The following MICOS10 variants were observed in gnomAD, a reference collection of about 807,000 sequenced individuals.
The protein encoded by MICOS10 is MICOS complex subunit MIC10.
A neutral mutation model predicts 13.4 loss-of-function variants in MICOS10; 5 were observed. The observed-to-expected ratio is 0.37, with a 90% confidence interval of 0.20 to 0.78. The LOEUF is 0.78. Ranked by LOEUF, MICOS10 falls within the 30% of genes least tolerant of loss-of-function variation. The pLI is 0.47. For synonymous variants in MICOS10, 35 were observed against 33.6 expected, an observed-to-expected ratio of 1.04 and a Z score of -0.15; for missense variants, 101 against 94.6, an observed-to-expected ratio of 1.07 and a Z score of -0.28.
chr1:19,623,540 A>G lies in MICOS10; in HGVS notation c.179A>G (p.His60Arg). Residue 60 changes from histidine to arginine, a missense_variant, in exon 3 of 4, where the codon CAT (histidine) becomes CGT (arginine). By Grantham distance (29) the His-to-Arg change is conservative (BLOSUM62 0). Transcript: ENST00000322753. ...GGAATGGCTTATTCCAACTGTCAGC[A>G]TGATTTCCAGGCTCCATATCTTCTA... is the stretch of plus-strand genomic sequence containing the variant. ...GLGMAYSNCQ[H>R]DFQAPYLLHG... 6.2e-7 allele frequency: 1 copy of G among 1,613,638 alleles called. No individual in the cohort carries two copies. The highest frequency in any genetic ancestry group is 8.5e-7 in the Non-Finnish European group (1 of 1,179,690).
chr1:19,622,962 G>T (rs111645797), intron 2 of MICOS10, among the ~76,000 whole-genome samples: 1 of 133,852 alleles, frequency 7.5e-6, no homozygotes, highest in African/African-American at 3.0e-5. Context: ...TTGCTCTGTC[G>T]CCAGGCTGGA....
At chr1:19,605,383 A>G (rs1196158767) in intron 1 of MICOS10, among the ~76,000 whole-genome samples, 1 of 152,194 alleles carries the variant, frequency 6.6e-6, no homozygotes, top group African/African-American at 2.4e-5. Flanking sequence ...CCCCAAAAGA[A>G]ACACTGGATG....
chr1:19,617,020 T>G (rs115251500), intron 1 of MICOS10, among the ~76,000 whole-genome samples: 35 of 152,356 alleles, frequency 2.3e-4, no homozygotes, highest in African/African-American at 8.2e-4. Flanking sequence ...ACATGTGCAT[T>G]AACTAATTAT....
rs1393154594 is a variant in MICOS10 at position 19,629,396 on chromosome 1, CTG to C, written c.*2997_*2998del. The C allele has an allele frequency of 6.6e-6, 1 of 152,228 alleles. No homozygotes were observed. Among genetic ancestry groups the C allele is most frequent in the African/African-American group, 2.4e-5 (1 of 41,462 alleles). The allele number at this position is 152,228 out of a possible 1,614,324, so 9.4% of individuals were successfully genotyped here. On this transcript the variant is annotated 3_prime_UTR_variant, in exon 4 of 4. Coordinates refer to ENST00000322753, the MANE Select transcript of MICOS10 (RefSeq NM_001032363.4). ...AAATACATACAGTCTGAGCTTGACA[CTG>C]TATAATTTGGCCCAGAACAATATGT...
At chr1:19,620,955 G>A (rs973466579) in intron 1 of MICOS10, among the ~76,000 whole-genome samples, 4 of 152,202 alleles carry the variant, frequency 2.6e-5, no homozygotes, top group African/African-American at 2.4e-5. Flanking sequence ...TCCAGATGGA[G>A]AAGAGCAAAA....
At chr1:19,611,970 C>CAAA (rs1198566051) in intron 1 of MICOS10, among the ~76,000 whole-genome samples, 2 of 91,372 alleles carry the variant, frequency 2.2e-5, no homozygotes, top group African/African-American at 4.7e-5. Flanking sequence ...GGCTCCATCT[C>CAAA]AAAAAAAAAA....
intron 3 of MICOS10, chr1:19,625,369 C>T (rs762076191): frequency 1.4e-5 from 18 of 1,286,846 alleles, no homozygotes; most frequent in African/African-American, 7.6e-5. Context: ...TATCCTGCCA[C>T]GGCCCTGCAC....
At chr1:19,608,483 A>G (rs1381710986) in intron 1 of MICOS10, 5 of 1,241,752 alleles carry the variant, frequency 4.0e-6, no homozygotes, top group Admixed American at 1.7e-5. Context: ...CTGCTCGGGT[A>G]TGAAGATCGG....
intron 3 of MICOS10, chr1:19,625,541 C>G (rs1314860625): frequency 7.8e-7 from 1 of 1,289,438 alleles, no homozygotes; most frequent in East Asian, 5.5e-5. Flanking sequence ...AAGCCGGCAG[C>G]CGGCCTTTTC....
intron 3 of MICOS10, chr1:19,625,666 C>G (rs997754370): frequency 7.9e-7 from 1 of 1,272,020 alleles, no homozygotes; most frequent in African/African-American, 1.5e-5. Context: ...TTGTTCCAAA[C>G]TGAGTTGTCA....
At chr1:19,608,878 C>T (rs77277910) in intron 1 of MICOS10, among the ~76,000 whole-genome samples, 158 of 151,812 alleles carry the variant, frequency 1.0e-3, no homozygotes, top group Middle Eastern at 3.4e-3. Context: ...GGTTCCCCCC[C>T]ACCCATAGAC....
intron 1 of MICOS10, among the ~76,000 whole-genome samples, chr1:19,612,453 T>A (rs1349459528): frequency 6.6e-6 from 1 of 151,808 alleles, no homozygotes; most frequent in East Asian, 1.9e-4. Context: ...CCAGGCGTGG[T>A]GGATCATGTC....
At chr1:19,619,610 T>C (rs1043906675) in intron 1 of MICOS10, among the ~76,000 whole-genome samples, 1 of 152,242 alleles carries the variant, frequency 6.6e-6, no homozygotes, top group African/African-American at 2.4e-5. Context: ...TTATAGTTCA[T>C]GGGCGCAGAG....
At chr1:19,618,439 G>T (rs1471725100) in intron 1 of MICOS10, among the ~76,000 whole-genome samples, 1 of 152,156 alleles carries the variant, frequency 6.6e-6, no homozygotes, top group African/African-American at 2.4e-5. Context: ...GCTGCACGCA[G>T]CCTGTATTAC....
chr1:19,600,562 G>A (rs573259250), intron 1 of MICOS10, among the ~76,000 whole-genome samples: 1 of 152,286 alleles, frequency 6.6e-6, no homozygotes, highest in Admixed American at 6.5e-5. Flanking sequence ...GGAAGAAAAG[G>A]CCAATGCAGG....
chr1:19,605,374 C>G (rs2094830847), intron 1 of MICOS10, among the ~76,000 whole-genome samples: 2 of 152,018 alleles, frequency 1.3e-5, no homozygotes, highest in African/African-American at 4.8e-5. Flanking sequence ...TTTAGCTTCC[C>G]CCAAAAGAAA....
At chr1:19,619,568 C>A (rs1031803432) in intron 1 of MICOS10, among the ~76,000 whole-genome samples, 1 of 152,072 alleles carries the variant, frequency 6.6e-6, no homozygotes, top group Non-Finnish European at 1.5e-5. Context: ...AAGATAAGGC[C>A]TATTATTTTA....
chr1:19,600,555 A>G lies in MICOS10; in HGVS notation c.64+3446A>G, dbSNP rs2094810162. Among the ~76,000 whole-genome samples, 3 of 152,318 alleles carry G rather than the reference A, an allele frequency of 2.0e-5. No homozygotes were observed. The South Asian group carries it at 6.2e-4, about 32-fold the overall frequency. ...GGTTTGGTGGAAGACATAGACAGGA[A>G]GAAAAGGCCAATGCAGGCTTTCAGC... On this transcript the variant is annotated intron_variant, in intron 1 of 3. Coordinates refer to ENST00000322753, the MANE Select transcript of MICOS10 (RefSeq NM_001032363.4).
intron 1 of MICOS10, among the ~76,000 whole-genome samples, chr1:19,605,564 C>T (rs779485468): frequency 1.6e-4 from 25 of 152,300 alleles, no homozygotes; most frequent in Non-Finnish European, 2.8e-4. Flanking sequence ...AGTATTCATC[C>T]ATGCTGTTGC....
Sources: gnomAD v4.1 joint callset for allele counts (sites outside exome capture counted in the v4.1 genomes callset) on GRCh38, gnomAD v4.1.1 for gene constraint, MANE v1.5 for transcripts, NCBI Gene and HGNC (gene_info 2026-07-23, HGNC 2026-07-21) for gene names.